The following PTPRD variants were observed in gnomAD, a reference collection of about 807,000 sequenced individuals.
PTPRD encodes the protein protein tyrosine phosphatase receptor type D, also known as receptor-type tyrosine-protein phosphatase delta.
PTPRD carries 34 observed loss-of-function variants against 214.5 expected under a neutral mutation model. The ratio of observed to expected loss-of-function variants is 0.16; its 90% confidence interval spans 0.12 to 0.21. The LOEUF is 0.21. Among genes scored for constraint, PTPRD ranks in the 10% least tolerant of loss-of-function variants. The probability of loss-of-function intolerance (pLI) is 1.00; values close to 1 mark genes in which losing one functional copy is unlikely to be tolerated. For missense variants in PTPRD, 2,545 were observed against 2,398.7 expected, an observed-to-expected ratio of 1.06 and a Z score of -1.27; for synonymous variants, 1,128 against 845.7, an observed-to-expected ratio of 1.33 and a Z score of -5.79.
At chr9:8,828,740 G>A (rs1331350282) in intron 11 of PTPRD, among the ~76,000 whole-genome samples, 1 of 152,096 alleles carries the variant, frequency 6.6e-6, no homozygotes. Flanking sequence ...ATAATAAATT[G>A]TTAAGTCCAT....
intron 11 of PTPRD, among the ~76,000 whole-genome samples, chr9:8,891,137 A>ATTTTTTTTTTTTTTTTTTTTTTTTTTT (rs761564011): frequency 8.1e-6 from 1 of 123,626 alleles, no homozygotes; most frequent in African/African-American, 3.2e-5. Flanking sequence ...AATTAATCTA[A>ATTTTTTTTTTTTTTTTTTTTTTTTTTT]TTTTTTTTTT....
intron 2 of PTPRD, among the ~76,000 whole-genome samples, chr9:10,508,247 T>C (rs1360366302): frequency 6.6e-6 from 1 of 152,080 alleles, no homozygotes; most frequent in South Asian, 2.1e-4. Flanking sequence ...CACTATGAGA[T>C]ACCATCTCAC....
intron 6 of PTPRD, among the ~76,000 whole-genome samples, chr9:9,756,823 C>T (rs2098589393): frequency 6.6e-6 from 1 of 152,090 alleles, no homozygotes; most frequent in African/African-American, 2.4e-5. Context: ...TACTGCCTCC[C>T]ATGTGGTTAA....
At chr9:9,192,939 C>G (rs925872115) in intron 9 of PTPRD, among the ~76,000 whole-genome samples, 1 of 152,038 alleles carries the variant, frequency 6.6e-6, no homozygotes, top group Non-Finnish European at 1.5e-5. Context: ...TCCCCTCCAC[C>G]CTGCAATCAT....
intron 31 of PTPRD, among the ~76,000 whole-genome samples, chr9:8,466,028 C>T (rs10121697): frequency 0.3 from 45,476 of 151,574 alleles, 8,083 homozygotes; most frequent in African/African-American, 0.5. Flanking sequence ...AAAAGCCTTG[C>T]CCTGCAGGAG....
chr9:9,982,738 G>C (rs367794447), intron 4 of PTPRD, among the ~76,000 whole-genome samples: 10 of 151,654 alleles, frequency 6.6e-5, no homozygotes, highest in African/African-American at 2.4e-4. Context: ...CAGAGCAAAA[G>C]GTCCTAAAAA....
chr9:10,245,980 T>C (rs1302375007), intron 3 of PTPRD, among the ~76,000 whole-genome samples: 1 of 152,188 alleles, frequency 6.6e-6, no homozygotes, highest in Non-Finnish European at 1.5e-5. Flanking sequence ...GAATTGAACA[T>C]GAAATAAGTT....
chr9:9,310,872 C>T (rs1218469574), intron 9 of PTPRD, among the ~76,000 whole-genome samples: 7 of 151,330 alleles, frequency 4.6e-5, no homozygotes, highest in African/African-American at 9.7e-5. Context: ...GAGCCAAGAT[C>T]GCGCCATTGC....
intron 10 of PTPRD, among the ~76,000 whole-genome samples, chr9:9,099,428 T>C (rs1004507667): frequency 6.6e-6 from 1 of 152,186 alleles, no homozygotes; most frequent in Non-Finnish European, 1.5e-5. Context: ...TAAGTGTCTG[T>C]GGACTGTATC....
intron 10 of PTPRD, among the ~76,000 whole-genome samples, chr9:9,076,035 A>T (rs1292381803): frequency 6.6e-6 from 1 of 152,094 alleles, no homozygotes; most frequent in African/African-American, 2.4e-5. Context: ...CAACAGTGTA[A>T]AAGTGTTCCT....
chr9:8,778,486 G>A (rs776729653), intron 11 of PTPRD, among the ~76,000 whole-genome samples: 1 of 152,090 alleles, frequency 6.6e-6, no homozygotes, highest in Non-Finnish European at 1.5e-5. Flanking sequence ...TACTAGCTGC[G>A]AATCTGCCCA....
intron 3 of PTPRD, among the ~76,000 whole-genome samples, chr9:10,157,513 C>T (rs67478319): frequency 0.09 from 13,690 of 152,200 alleles, 736 homozygotes; most frequent in South Asian, 0.16. Flanking sequence ...GTTAGTCTCA[C>T]GGGCTTCCCT....
intron 5 of PTPRD, among the ~76,000 whole-genome samples, chr9:9,824,921 A>G (rs1406711476): frequency 6.6e-6 from 1 of 152,042 alleles, no homozygotes; most frequent in South Asian, 2.1e-4. Flanking sequence ...AAGCATATAA[A>G]GTGGGCTCTG....
At chr9:8,367,785 A>G (rs2080334982) in intron 39 of PTPRD, among the ~76,000 whole-genome samples, 1 of 152,212 alleles carries the variant, frequency 6.6e-6, no homozygotes, top group Admixed American at 6.5e-5. Context: ...AGGTAAAACA[A>G]TAATTTTTAA....
At chr9:9,973,483 A>C (rs867048537) in intron 4 of PTPRD, among the ~76,000 whole-genome samples, 1 of 152,000 alleles carries the variant, frequency 6.6e-6, no homozygotes, top group South Asian at 2.1e-4. Context: ...AAAAAAAAAA[A>C]TTAAAAGTAG....
At chr9:10,438,915 T>C (rs947871309) in intron 2 of PTPRD, among the ~76,000 whole-genome samples, 6 of 151,700 alleles carry the variant, frequency 4.0e-5, no homozygotes, top group Non-Finnish European at 7.4e-5. Context: ...AGAGAGGTTC[T>C]GTAGAATGTG....
intron 8 of PTPRD, among the ~76,000 whole-genome samples, chr9:9,478,618 C>A (rs1203472962): frequency 3.3e-5 from 5 of 152,176 alleles, no homozygotes; most frequent in African/African-American, 1.2e-4. Flanking sequence ...GCATCCCCCT[C>A]TCTCTCTATC....
chr9:9,126,413 C>T (rs1336015236), intron 10 of PTPRD, among the ~76,000 whole-genome samples: 1 of 152,140 alleles, frequency 6.6e-6, no homozygotes, highest in African/African-American at 2.4e-5. Flanking sequence ...TCAAGGATAG[C>T]TTTTTAGAAA....
At chr9:10,099,717 T>A (rs1445102318) in intron 3 of PTPRD, among the ~76,000 whole-genome samples, 2 of 151,710 alleles carry the variant, frequency 1.3e-5, no homozygotes, top group East Asian at 3.9e-4. Flanking sequence ...CATCGTATGT[T>A]GGGTCTGCTT....
Sources: gnomAD v4.1 joint callset for allele counts (sites outside exome capture counted in the v4.1 genomes callset) on GRCh38, gnomAD v4.1.1 for gene constraint, MANE v1.5 for transcripts, NCBI Gene and HGNC (gene_info 2026-07-23, HGNC 2026-07-21) for gene names.